The following METTL21A variants were observed in gnomAD, a reference collection of about 807,000 sequenced individuals.
METTL21A encodes the protein methyltransferase 21A, HSPA lysine, also known as protein N-lysine methyltransferase METTL21A.
In METTL21A, 22 loss-of-function variants were observed where a neutral mutation model predicts 20.9. That is an observed-to-expected ratio of 1.05 (90% CI 0.75 to 1.50). The LOEUF is 1.50. Among genes scored for constraint, METTL21A ranks in the 40% most tolerant of loss-of-function variants. METTL21A has a pLI of 0.00. For missense variants in METTL21A, 271 were observed against 266.8 expected (o/e 1.02, Z -0.11); for synonymous variants, 93 against 102.0 (o/e 0.91, Z 0.53).
intron 3 of METTL21A, chr2:207,583,001 CTG>C (rs2083214321): frequency 6.5e-6 from 1 of 154,156 alleles, no homozygotes; most frequent in Non-Finnish European, 1.5e-5. Context: ...ATAGTTGGCT[CTG>C]TTTTCCATAG....
intron 3 of METTL21A, among the ~76,000 whole-genome samples, chr2:207,615,189 A>C (rs544945876): frequency 7.9e-5 from 12 of 152,330 alleles, no homozygotes; most frequent in African/African-American, 2.9e-4. Context: ...AAAATTGCAG[A>C]CAGCCAGGCC....
rs193050247 is a variant in METTL21A, at chr2:207,583,333, G to A, written c.260-1173C>T. Among the ~76,000 whole-genome samples the A allele has an allele frequency of 7.9e-5, 12 of 152,162 alleles. No homozygotes were observed. In the East Asian group the frequency reaches 1.9e-3, roughly 24 times the overall value. ...ATATCTGACTCTAAGCTTTAACCAC[G>A]TGGCTCATTTTAGACTTCTCTTTGC... is the stretch of plus-strand genomic sequence containing the variant. On this transcript the variant is annotated intron_variant, in intron 3 of 3. Coordinates refer to the METTL21A transcript ENST00000425132.
At chr2:207,597,165 G>A in intron 3 of METTL21A, 1 of 1,226,534 alleles carries the variant, frequency 8.2e-7, no homozygotes, top group Non-Finnish European at 1.1e-6. Flanking sequence ...TTTTTTCTAT[G>A]CGCAAAACTG....
intron 2 of METTL21A, among the ~76,000 whole-genome samples, chr2:207,623,033 G>A (rs761378307): frequency 8.6e-5 from 13 of 151,588 alleles, no homozygotes; most frequent in Non-Finnish European, 1.8e-4. Flanking sequence ...TCAGCCTTCC[G>A]AGTAGCTAGG....
At chr2:207,623,069 AAT>A (rs1339325067) in intron 2 of METTL21A, among the ~76,000 whole-genome samples, 1 of 151,896 alleles carries the variant, frequency 6.6e-6, no homozygotes, top group African/African-American at 2.4e-5. Flanking sequence ...CACCACGGCT[AAT>A]TTTTGTATTT....
At chr2:207,582,895 AAAC>A (rs1367720205) in intron 3 of METTL21A, 4 of 255,302 alleles carry the variant, frequency 1.6e-5, no homozygotes, top group South Asian at 4.0e-5. Context: ...TGTCTCAAAA[AAAC>A]AAACAAACAA....
chr2:207,594,544 G>A (rs1234962986), intron 3 of METTL21A, among the ~76,000 whole-genome samples: 1 of 152,170 alleles, frequency 6.6e-6, no homozygotes, highest in Non-Finnish European at 1.5e-5. Context: ...TTGGCATGCA[G>A]AGGGCCTTCC....
intron 3 of METTL21A, among the ~76,000 whole-genome samples, chr2:207,620,306 G>C (rs1205679324): frequency 2.0e-5 from 3 of 152,106 alleles, no homozygotes; most frequent in Non-Finnish European, 4.4e-5. Flanking sequence ...AGCTGGGCGT[G>C]GTGGCACATG....
At chr2:207,620,117 A>G (rs570613642) in intron 3 of METTL21A, among the ~76,000 whole-genome samples, 14 of 152,318 alleles carry the variant, frequency 9.2e-5, no homozygotes, top group African/African-American at 2.9e-4. Flanking sequence ...AGTAACTCTT[A>G]TATCAGCAGA....
intron 3 of METTL21A, chr2:207,602,173 C>T (rs549310156): frequency 1.5e-5 from 3 of 193,592 alleles, no homozygotes; most frequent in South Asian, 1.9e-4. Flanking sequence ...GACCAGATAA[C>T]GTTTGAATGG....
downstream of METTL21A, chr2:207,609,348 CAT>C (rs1491439286): frequency 1.2e-4 from 19 of 152,212 alleles, no homozygotes; most frequent in Admixed American, 5.9e-4. Flanking sequence ...AAGAAAAGTT[CAT>C]GTGTGTGTGT....
At chr2:207,605,101 T>C (rs927062416), downstream of METTL21A, among the ~76,000 whole-genome samples, 2 of 152,208 alleles carry the variant, frequency 1.3e-5, no homozygotes, top group African/African-American at 4.8e-5. Flanking sequence ...GTGGAGTTGC[T>C]GGGTCATGTT....
intron 3 of METTL21A, chr2:207,600,216 G>A (rs945833419): frequency 2.1e-4 from 33 of 160,688 alleles, no homozygotes; most frequent in African/African-American, 8.5e-4. Flanking sequence ...GGGGGGGGTG[G>A]CATTTGTATA....
At position 207,583,155 on chromosome 2, in the gene METTL21A, AGGG is replaced by A. The variant is rs1229480972; in HGVS notation, c.260-998_260-996del. Among the ~76,000 whole-genome samples, 9 of 152,260 alleles carry A rather than the reference AGGG, an allele frequency of 5.9e-5. No individual in the cohort carries two copies. The South Asian group carries it at 1.9e-3, about 32-fold the overall frequency. On this transcript the variant is annotated intron_variant, in intron 3 of 3. Transcript: ENST00000425132. The stretch of plus-strand genomic sequence containing the variant: ...AATCTAGAGGTGATTTTAAGTATAT[AGGG>A]GGATTCATATAGGTTATATGCAAAT...
At chr2:207,594,517 C>G (rs1181669101) in intron 3 of METTL21A, among the ~76,000 whole-genome samples, 1 of 152,118 alleles carries the variant, frequency 6.6e-6, no homozygotes, top group East Asian at 1.9e-4. Context: ...ATAATGCCCT[C>G]AAGGTTCATC....
At chr2:207,603,464 T>A (rs979292035) in intron 3 of METTL21A, 1 of 225,218 alleles carries the variant, frequency 4.4e-6, no homozygotes, top group African/African-American at 2.2e-5. Context: ...GGGATCTCTA[T>A]ATTTTGTTGG....
At chr2:207,582,942 CACAT>C (rs2083206131) in intron 3 of METTL21A, 2 of 184,776 alleles carry the variant, frequency 1.1e-5, no homozygotes, top group Admixed American at 1.1e-4. Flanking sequence ...CATACACACA[CACAT>C]ACACCTTCAT....
At chr2:207,624,206 G>C in intron 2 of METTL21A, 23 bp downstream of exon 2, 1 of 1,557,536 alleles carries the variant, frequency 6.4e-7, no homozygotes, top group Non-Finnish European at 8.7e-7. Flanking sequence ...AACGTTTTCA[G>C]AGGTCCCCCA....
exon 3 of METTL21A, chr2:207,621,848 C>T: frequency 6.2e-7 from 1 of 1,614,202 alleles, no homozygotes; most frequent in Non-Finnish European, 8.5e-7. Context: ...GTGCCAGCAC[C>T]CAGCTCCACG....
Sources: gnomAD v4.1 joint callset for allele counts (sites outside exome capture counted in the v4.1 genomes callset) on GRCh38, gnomAD v4.1.1 for gene constraint, MANE v1.5 for transcripts, NCBI Gene and HGNC (gene_info 2026-07-23, HGNC 2026-07-21) for gene names.